The following TUNAR variants were observed in gnomAD, a reference collection of about 807,000 sequenced individuals.
TUNAR encodes transmembrane neural differentiation associated intracellular calcium regulator, also known as protein TUNAR.
chr14:95,912,708 A>C (rs1889533880), intron 2 of TUNAR, among the ~76,000 whole-genome samples: 2 of 152,236 alleles, frequency 1.3e-5, no homozygotes, highest in Non-Finnish European at 2.9e-5. Flanking sequence ...AATAGAAAAA[A>C]ATTATTTGCA....
chr14:95,886,568 G>A lies in TUNAR; in HGVS notation c.12+9391G>A, dbSNP rs1056392219. 3.3e-5 allele frequency among the ~76,000 whole-genome samples: 5 copies of A among 152,350 alleles called. No homozygotes were observed. In the South Asian group the frequency reaches 8.3e-4, roughly 25 times the overall value. On this transcript the variant is annotated intron_variant, in intron 2 of 2. Coordinates refer to ENST00000678517, the Ensembl canonical transcript of TUNAR. ...GACTGCCAGATGGTGCCAAGGGCAC[G>A]GCATCCCGGGCAGTCAGCCTCCTAG...
At chr14:95,884,291 C>G (rs1452448088) in intron 2 of TUNAR, among the ~76,000 whole-genome samples, 2 of 152,156 alleles carry the variant, frequency 1.3e-5, no homozygotes, top group African/African-American at 4.8e-5. Context: ...CTCCATCTCA[C>G]CTCCTCTCCC....
intron 2 of TUNAR, among the ~76,000 whole-genome samples, chr14:95,882,375 C>G: frequency 6.6e-6 from 1 of 152,252 alleles, no homozygotes; most frequent in South Asian, 2.1e-4. Flanking sequence ...GTGATTACTG[C>G]GAACACTTAT....
chr14:95,922,706 C>T (rs1161526678), intron 2 of TUNAR, 75 bp from the exon 2 acceptor site: 3 of 397,562 alleles, frequency 7.5e-6, no homozygotes, highest in South Asian at 1.4e-4. Context: ...GATCACTACC[C>T]ACTACAGATC....
chr14:95,896,996 A>G (rs1306899585), intron 2 of TUNAR, among the ~76,000 whole-genome samples: 1 of 152,258 alleles, frequency 6.6e-6, no homozygotes, highest in Non-Finnish European at 1.5e-5. Context: ...GTTCCTTCAA[A>G]TAGCTCTGGC....
chr14:95,889,958 A>AC (rs1249103199), intron 2 of TUNAR, among the ~76,000 whole-genome samples: 1 of 132,544 alleles, frequency 7.5e-6, no homozygotes, highest in East Asian at 2.3e-4. Flanking sequence ...GGACACAAAG[A>AC]CAAAAAAAAA....
At chr14:95,924,022 GC>G (rs1395284258) in exon 3 of TUNAR, 1 of 152,168 alleles carries the variant, frequency 6.6e-6, no homozygotes, top group African/African-American at 2.4e-5. Flanking sequence ...CTTCTTACCG[GC>G]AGCGTTATTG....
chr14:95,922,002 C>T (rs1337313110), intron 2 of TUNAR, among the ~76,000 whole-genome samples: 1 of 152,112 alleles, frequency 6.6e-6, no homozygotes, highest in Non-Finnish European at 1.5e-5. Flanking sequence ...ATCTGGGTAA[C>T]TTCCAGTTCT....
chr14:95,924,301 G>A (rs1395899627), exon 3 of TUNAR: 3 of 152,174 alleles, frequency 2.0e-5, no homozygotes, highest in Admixed American at 2.0e-4. Context: ...TGCCCTAAAG[G>A]ACTTCTGTAT....
At chr14:95,885,023 A>G (rs1889052520) in intron 2 of TUNAR, among the ~76,000 whole-genome samples, 1 of 152,000 alleles carries the variant, frequency 6.6e-6, no homozygotes, top group Non-Finnish European at 1.5e-5. Context: ...TGTGAGATTA[A>G]CCTCCAAGGC....
intron 2 of TUNAR, among the ~76,000 whole-genome samples, chr14:95,918,071 A>G (rs1889634618): frequency 6.6e-6 from 1 of 152,196 alleles, no homozygotes; most frequent in Non-Finnish European, 1.5e-5. Context: ...GACTGGCCCC[A>G]GCCTTTGCTT....
intron 2 of TUNAR, among the ~76,000 whole-genome samples, chr14:95,915,758 C>T (rs760688722): frequency 6.6e-6 from 1 of 152,220 alleles, no homozygotes; most frequent in Non-Finnish European, 1.5e-5. Flanking sequence ...TTCCAAGACA[C>T]GCATCCTAAT....
At chr14:95,892,908 A>T (rs919676763) in intron 2 of TUNAR, among the ~76,000 whole-genome samples, 2 of 152,166 alleles carry the variant, frequency 1.3e-5, no homozygotes, top group African/African-American at 4.8e-5. Flanking sequence ...GCACCTCGAT[A>T]TGTCTGGCGG....
chr14:95,886,134 C>T (rs778088397), intron 2 of TUNAR, among the ~76,000 whole-genome samples: 1 of 152,244 alleles, frequency 6.6e-6, no homozygotes, highest in South Asian at 2.1e-4. Context: ...TGCATTCAGG[C>T]TGCTCCTGGC....
At chr14:95,903,434 A>G (rs545072506) in intron 2 of TUNAR, among the ~76,000 whole-genome samples, 5 of 152,338 alleles carry the variant, frequency 3.3e-5, no homozygotes, top group African/African-American at 1.2e-4. Context: ...GACCAAGCTC[A>G]AAGCCCAGAG....
intron 2 of TUNAR, among the ~76,000 whole-genome samples, chr14:95,914,900 G>A (rs1050147540): frequency 1.3e-5 from 2 of 152,122 alleles, no homozygotes; most frequent in South Asian, 2.1e-4. Flanking sequence ...CATTCCTTCC[G>A]TATCAATTTT....
intron 2 of TUNAR, among the ~76,000 whole-genome samples, chr14:95,886,576 G>A (rs1006788527): frequency 1.3e-5 from 2 of 152,184 alleles, no homozygotes; most frequent in African/African-American, 4.8e-5. Flanking sequence ...ACGGCATCCC[G>A]GGCAGTCAGC....
chr14:95,881,638 G>A (rs1888980027), intron 2 of TUNAR, among the ~76,000 whole-genome samples: 1 of 152,172 alleles, frequency 6.6e-6, no homozygotes, highest in Non-Finnish European at 1.5e-5. Flanking sequence ...AGGTCTCAAG[G>A]AACTTTTCAC....
At chr14:95,891,044 C>T (rs117008049) in intron 2 of TUNAR, among the ~76,000 whole-genome samples, 3,058 of 152,308 alleles carry the variant, frequency 0.02, 51 homozygotes, top group Non-Finnish European at 0.033. Context: ...GGCAGGGAAG[C>T]GACATGATCT....
Sources: allele counts gnomAD v4.1 joint callset (sites outside exome capture counted in the v4.1 genomes callset), GRCh38; gene constraint gnomAD v4.1.1; transcripts MANE v1.5; gene names NCBI Gene and HGNC (gene_info 2026-07-23, HGNC 2026-07-21).